The following ADAM12 variants were observed in gnomAD, a reference collection of about 807,000 sequenced individuals.
ADAM12 encodes ADAM metallopeptidase domain 12, also known as disintegrin and metalloproteinase domain-containing protein 12.
A neutral mutation model predicts 106.4 loss-of-function variants in ADAM12; 70 were observed. That is an observed-to-expected ratio of 0.66 (90% confidence interval 0.54 to 0.80). The LOEUF (loss-of-function observed/expected upper bound fraction) is 0.80. Among genes scored for constraint, ADAM12 ranks in the 30% least tolerant of loss-of-function variants. ADAM12 has a pLI of 0.00. For synonymous variants in ADAM12, 420 were observed against 433.5 expected (o/e 0.97, Z 0.39); for missense variants, 1,010 against 1,171.9 (o/e 0.86, Z 2.02).
intron 3 of ADAM12, among the ~76,000 whole-genome samples, chr10:126,192,674 AT>A (rs1414000045): frequency 4.6e-5 from 7 of 152,232 alleles, no homozygotes; most frequent in Non-Finnish European, 8.8e-5. Context: ...CCTCGGGAAT[AT>A]TTTGAAAATG....
At chr10:126,114,262 C>T (rs1362726090) in intron 6 of ADAM12, among the ~76,000 whole-genome samples, 1 of 152,122 alleles carries the variant, frequency 6.6e-6, no homozygotes, top group Non-Finnish European at 1.5e-5. Flanking sequence ...ATCCGGCAAA[C>T]TGAATGTTAA....
intron 19 of ADAM12, among the ~76,000 whole-genome samples, 171 bp from the exon 20 acceptor site, chr10:126,038,520 A>G (rs762448104): frequency 2.0e-5 from 3 of 152,176 alleles, no homozygotes; most frequent in African/African-American, 4.8e-5. Context: ...AAAAATAAAT[A>G]CTGGTTTTTC....
At chr10:126,232,400 C>G (rs954511644) in intron 3 of ADAM12, among the ~76,000 whole-genome samples, 1 of 152,164 alleles carries the variant, frequency 6.6e-6, no homozygotes, top group Non-Finnish European at 1.5e-5. Context: ...CCCACCCACA[C>G]CTTGGTTGTA....
At chr10:126,296,607 G>A (rs1960392544) in intron 2 of ADAM12, among the ~76,000 whole-genome samples, 1 of 152,260 alleles carries the variant, frequency 6.6e-6, no homozygotes, top group Non-Finnish European at 1.5e-5. Flanking sequence ...CTGGAAGCAT[G>A]TCACAGACTT....
intron 14 of ADAM12, among the ~76,000 whole-genome samples, chr10:126,050,278 G>A (rs10901527): frequency 0.13 from 20,142 of 152,170 alleles, 1,425 homozygotes; most frequent in Middle Eastern, 0.28. Flanking sequence ...CAACATGACG[G>A]TTCCCAGCAA....
chr10:126,338,383 G>C (rs1337316586), intron 1 of ADAM12, among the ~76,000 whole-genome samples: 1 of 148,210 alleles, frequency 6.7e-6, no homozygotes, highest in Non-Finnish European at 1.5e-5. Flanking sequence ...CTCCCAAGTA[G>C]CTGGGACTAC....
rs1296671044 is a variant in ADAM12, at chr10:126,217,369, C to CT, written c.260+61545dup. Among the ~76,000 whole-genome samples the CT allele has an allele frequency of 6.5e-3, 927 of 143,192 alleles. 16 individuals carry two copies. Among genetic ancestry groups the CT allele is most frequent in the Admixed American group, 0.048 (686 of 14,312 alleles). 93.9% of individuals were successfully genotyped at this position (143,192 alleles called of 152,430 possible). The stretch of plus-strand genomic sequence containing the variant: ...AACAGAAAAGCCTGTGCATTTGGAA[C>CT]TTTTTTTTTTTTTTTGAAACGGAGT... On this transcript the variant is annotated intron_variant, in intron 3 of 22. Coordinates refer to ENST00000448723, the MANE Select transcript of ADAM12 (RefSeq NM_001288973.2).
intron 1 of ADAM12, among the ~76,000 whole-genome samples, chr10:126,386,743 C>A (rs543310056): frequency 6.6e-6 from 1 of 152,314 alleles, no homozygotes; most frequent in African/African-American, 2.4e-5. Context: ...AAGTTAAAGA[C>A]CATGTCAGGC....
chr10:126,315,653 A>C (rs750663792), intron 2 of ADAM12, among the ~76,000 whole-genome samples: 5 of 152,080 alleles, frequency 3.3e-5, no homozygotes, highest in Non-Finnish European at 7.4e-5. Context: ...GTACCTGCCA[A>C]TGAAACAGCA....
At chr10:126,177,015 C>T (rs1957230898) in intron 3 of ADAM12, among the ~76,000 whole-genome samples, 1 of 150,434 alleles carries the variant, frequency 6.6e-6, no homozygotes, top group African/African-American at 2.5e-5. Context: ...CAGGAGTGTG[C>T]CAAAGTGTAT....
intron 3 of ADAM12, among the ~76,000 whole-genome samples, chr10:126,264,973 C>T (rs991776398): frequency 6.6e-6 from 1 of 152,146 alleles, no homozygotes; most frequent in East Asian, 1.9e-4. Flanking sequence ...TTATCCAGCA[C>T]TCTAAATAAA....
At chr10:126,226,196 A>AGAGGGGGGGGGGGGG (rs1958192249) in intron 3 of ADAM12, among the ~76,000 whole-genome samples, 1 of 9,940 alleles carries the variant, frequency 1.0e-4, no homozygotes, top group Non-Finnish European at 2.1e-4. Flanking sequence ...TGGTGGGGGG[A>AGAGGGGGGGGGGGGG]GGGGGCGGGG....
chr10:126,385,151 G>C (rs576038427), intron 1 of ADAM12, among the ~76,000 whole-genome samples: 1 of 152,336 alleles, frequency 6.6e-6, no homozygotes, highest in South Asian at 2.1e-4. Flanking sequence ...AGAGAATGTG[G>C]AAAGGGATAC....
Position 126,097,122 on chromosome 10 carries a change from C to T in ADAM12, c.996+1294G>A, listed in dbSNP as rs1442085411. On this transcript the variant is annotated intron_variant, in intron 10 of 22. Coordinates refer to ENST00000448723, the MANE Select transcript of ADAM12 (RefSeq NM_001288973.2). ...TTCCAGCTCTAAAAAAAATATGATG[C>T]CAACTTGAAGTGGCAAAGTCAGTAG... Among the ~76,000 whole-genome samples, 5 of 152,170 alleles carry T rather than the reference C, an allele frequency of 3.3e-5. No homozygotes were observed. The South Asian group carries it at 6.2e-4, about 19-fold the overall frequency.
chr10:126,019,819 A>T lies in ADAM12; in HGVS notation c.2536T>A (p.Cys846Ser), dbSNP rs1404139440. Residue 846 changes from cysteine to serine, a missense_variant, in exon 22 of 23, where the codon TGT (cysteine) becomes AGT (serine). This residue lies in a region of ADAM12 where 615 missense variants were observed against 708.5 expected (regional missense o/e 0.87). Transcript: ENST00000448723. ...KPALRQAQGT[C>S]KPNPPQKPLP... ...GGCTTCTGAGGGGGGTTTGGCTTAC[A>T]GGTCCCCTGCAATAAACATAGGGTT... 6.2e-7 allele frequency: 1 copy of T among 1,613,402 alleles called. No individual in the cohort carries two copies. Among genetic ancestry groups the T allele is most frequent in the South Asian group, 1.1e-5 (1 of 90,956 alleles).
intron 5 of ADAM12, among the ~76,000 whole-genome samples, chr10:126,121,031 ATATATG>A (rs1956081573): frequency 1.5e-5 from 1 of 66,094 alleles, no homozygotes; most frequent in Non-Finnish European, 2.5e-5. Flanking sequence ...ATTATATATT[ATATATG>A]CAATATAATA....
intron 3 of ADAM12, among the ~76,000 whole-genome samples, chr10:126,267,205 C>T (rs1959113660): frequency 6.6e-6 from 1 of 152,098 alleles, no homozygotes; most frequent in African/African-American, 2.4e-5. Flanking sequence ...ATCACAGTTA[C>T]ACCCTTATTC....
At chr10:126,280,031 T>C (rs1366546233) in intron 2 of ADAM12, among the ~76,000 whole-genome samples, 1 of 152,232 alleles carries the variant, frequency 6.6e-6, no homozygotes, top group Admixed American at 6.5e-5. Context: ...GTCAGTCTTA[T>C]AACTCCAGAG....
intron 3 of ADAM12, among the ~76,000 whole-genome samples, chr10:126,275,638 T>G (rs1296907160): frequency 6.6e-6 from 1 of 152,206 alleles, no homozygotes; most frequent in Non-Finnish European, 1.5e-5. Context: ...AACTTCTGGA[T>G]ATTTAAAGAC....
Sources: gnomAD v4.1 joint callset for allele counts (sites outside exome capture counted in the v4.1 genomes callset) on GRCh38, gnomAD v4.1.1 for gene constraint, gnomAD v4.1.1 regional missense constraint, MANE v1.5 for transcripts, NCBI Gene and HGNC (gene_info 2026-07-23, HGNC 2026-07-21) for gene names.